Variants in WDR26 observed in about 807,000 individuals in gnomAD.
The protein encoded by WDR26 is WD repeat domain 26.
WDR26 carries 5 observed loss-of-function variants against 84.1 expected under a neutral mutation model. The ratio of observed to expected loss-of-function variants is 0.06; its 90% CI spans 0.03 to 0.13. The LOEUF is 0.13. Among genes scored for constraint, WDR26 ranks in the 10% least tolerant of loss-of-function variants. The pLI, the probability that WDR26 is intolerant of heterozygous loss-of-function variation, is 1.00. For missense variants in WDR26, 642 were observed against 974.9 expected (o/e 0.66, Z 4.55); for synonymous variants, 415 against 389.6 (o/e 1.07, Z -0.77).
intron 9 of WDR26, among the ~76,000 whole-genome samples, chr1:224,399,834 T>C (rs1673361317): frequency 6.6e-6 from 1 of 152,206 alleles, no homozygotes; most frequent in African/African-American, 2.4e-5. Context: ...GGGTCGGGTG[T>C]GGTAGCTCAT....
chr1:224,422,773 T>A (rs1674101824), intron 4 of WDR26, among the ~76,000 whole-genome samples: 1 of 151,872 alleles, frequency 6.6e-6, no homozygotes, highest in African/African-American at 2.4e-5. Context: ...GGGAAGCTAC[T>A]ATAATATTCT....
chr1:224,434,255 G>A lies in WDR26; in HGVS notation c.151C>T (p.Leu51Phe). 7.6e-7 allele frequency: 1 copy of A among 1,316,308 alleles called. No homozygotes were observed. The highest frequency in any genetic ancestry group is 2.9e-5 in the East Asian group (1 of 34,974). 81.5% of individuals were successfully genotyped at this position (1,316,308 alleles called of 1,614,324 possible). Residue 51 changes from leucine (L) to phenylalanine (F), a missense_variant, in exon 1 of 14, where the codon CTC becomes TTC. Transcript: ENST00000414423. ...GAGGACGACGAGGACGGAGGGGAGA[G>A]GCCTGCTCTGCCTGCCGAAGCCCCG...
chr1:224,425,590 G>A (rs527614171), intron 3 of WDR26, among the ~76,000 whole-genome samples: 3 of 152,222 alleles, frequency 2.0e-5, no homozygotes, highest in Admixed American at 1.3e-4. Context: ...CACAATCTTA[G>A]CAGTTTTTTA....
Position 224,434,744 on chromosome 1 carries a change from T to A in WDR26, c.-339A>T. 2.0e-6 allele frequency: 2 copies of A among 986,890 alleles called. No individual in the cohort carries two copies. The highest frequency in any genetic ancestry group is 4.5e-5 in the South Asian group (1 of 22,132). The allele number at this position is 986,890 out of a possible 1,614,324, so 61.1% of individuals were successfully genotyped here. ...GGCAGCTGCCGCCTCTGTCCTCGGATCCGCTCCGCTCTGCTCCCTGGTGTG... is the reference window on the plus strand; with the variant it reads ...GGCAGCTGCCGCCTCTGTCCTCGGAACCGCTCCGCTCTGCTCCCTGGTGTG... On this transcript the variant is annotated 5_prime_UTR_variant, in exon 1 of 14. Coordinates refer to ENST00000414423, the MANE Select transcript of WDR26 (RefSeq NM_001379403.1).
intron 9 of WDR26, among the ~76,000 whole-genome samples, chr1:224,399,896 C>G (rs1464043445): frequency 6.6e-6 from 1 of 152,048 alleles, no homozygotes; most frequent in Non-Finnish European, 1.5e-5. Flanking sequence ...CATTTGAGCC[C>G]AGAAGTTTGA....
chr1:224,394,301 A>G (rs1673200577), intron 12 of WDR26, among the ~76,000 whole-genome samples: 1 of 152,220 alleles, frequency 6.6e-6, no homozygotes, highest in African/African-American at 2.4e-5. Context: ...CTTTGAACAT[A>G]AACAAATCCA....
At chr1:224,401,109 C>G (rs191509040) in intron 8 of WDR26, 40 bp from the exon 9 acceptor site, 2 of 1,587,494 alleles carry the variant, frequency 1.3e-6, no homozygotes, top group Non-Finnish European at 1.7e-6. Context: ...CTTCAAGATA[C>G]CCCTCTAAAG....
chr1:224,414,600 T>C (rs1673840373), intron 6 of WDR26, among the ~76,000 whole-genome samples: 1 of 152,216 alleles, frequency 6.6e-6, no homozygotes, highest in African/African-American at 2.4e-5. Flanking sequence ...GTTCCAATGC[T>C]AAAATCTAGT....
At chr1:224,432,274 C>T (rs1024264117) in intron 1 of WDR26, among the ~76,000 whole-genome samples, 2 of 152,192 alleles carry the variant, frequency 1.3e-5, no homozygotes, top group Admixed American at 6.5e-5. Context: ...AAAAATCATT[C>T]CCTTTCTCTC....
chr1:224,434,049 T>G lies in WDR26; in HGVS notation c.357A>C (p.Gly119=). ...GTCCCTGGCCCCCGCCGCCCCCTCC[T>G]CCTCCACCGCCGCCGCCGCCACCTC... Residue 119 remains glycine, a synonymous_variant, in exon 1 of 14, where the codon GGA becomes GGC. Coordinates refer to ENST00000414423, the MANE Select transcript of WDR26 (RefSeq NM_001379403.1). The G allele has an allele frequency of 6.9e-7, 1 of 1,450,760 alleles. No individual in the cohort carries two copies. Among genetic ancestry groups the G allele is most frequent in the South Asian group, 1.4e-5 (1 of 71,586 alleles). The allele number at this position is 1,450,760 out of a possible 1,614,324, so 89.9% of individuals were successfully genotyped here. A position where few individuals can be genotyped will look rare whatever the true frequency, so the allele number is the denominator to read the frequency against.
At position 224,404,485 on chromosome 1, in the gene WDR26, T is replaced by C. The variant is rs767723808; in HGVS notation, c.1544A>G (p.Tyr515Cys). The change falls in exon 8 of 14, where the codon TAT (tyrosine) becomes TGT (cysteine). Residue 515 changes from tyrosine (Y) to cysteine (C), a missense_variant. Physicochemically the swap from Tyr to Cys is radical, Grantham distance 194 (BLOSUM62 -2). This residue lies in a region of WDR26 where 351 missense variants were observed against 672.8 expected (regional missense o/e 0.52). Transcript: ENST00000414423. ...GTCATCTGGGCCACAAGCAACAAGA[T>C]AGTTGTCATCTGGACTCCATGCAAT... 69 of 1,614,014 alleles carry C rather than the reference T, an allele frequency of 4.3e-5. No homozygotes were observed. In the South Asian group the frequency reaches 4.4e-4, roughly 10 times the overall value.
chr1:224,419,475 A>C, intron 5 of WDR26, 43 bp downstream of exon 5: 5 of 1,417,272 alleles, frequency 3.5e-6, no homozygotes, highest in Non-Finnish European at 5.0e-6. Flanking sequence ...TCCATTTGTA[A>C]TCTAAGAGAA....
At chr1:224,420,841 G>A (rs187026726) in intron 4 of WDR26, among the ~76,000 whole-genome samples, 3 of 151,982 alleles carry the variant, frequency 2.0e-5, no homozygotes, top group South Asian at 2.1e-4. Context: ...CTCGTGATCC[G>A]CCCGCCTCGG....
At chr1:224,406,462 A>G (rs73125540) in intron 7 of WDR26, among the ~76,000 whole-genome samples, 13,549 of 152,244 alleles carry the variant, frequency 0.089, 1,915 homozygotes, top group African/African-American at 0.3. Context: ...CTAGTCTGAT[A>G]AAATTAGGTT....
intron 8 of WDR26, among the ~76,000 whole-genome samples, chr1:224,402,849 G>A (rs1218825024): frequency 6.6e-6 from 1 of 151,920 alleles, no homozygotes; most frequent in Non-Finnish European, 1.5e-5. Context: ...GACAAAAATG[G>A]CATAAAACAC....
intron 4 of WDR26, among the ~76,000 whole-genome samples, chr1:224,422,473 T>G (rs1456915375): frequency 6.6e-6 from 1 of 152,198 alleles, no homozygotes; most frequent in South Asian, 2.1e-4. Context: ...CCCAGCACTT[T>G]GGAAGGCTGA....
rs140548277 is a variant in WDR26 at position 224,431,859 on chromosome 1, A to G, written c.723-78T>C. ...CCTTCAAATAAACTAATGTCCATGA[A>G]AACAGATGCAAAGTTTTTAAGCTAG... is the stretch of plus-strand genomic sequence containing the variant. On this transcript the variant is annotated intron_variant, in intron 1 of 13. Coordinates refer to ENST00000414423, the MANE Select transcript of WDR26 (RefSeq NM_001379403.1). The G allele has an allele frequency of 3.2e-5, 37 of 1,161,482 alleles. No individual in the cohort carries two copies. In the Admixed American group the frequency reaches 1.1e-3, roughly 34 times the overall value. 71.9% of individuals were successfully genotyped at this position (1,161,482 alleles called of 1,614,324 possible). A position where few individuals can be genotyped will look rare whatever the true frequency, so the allele number is the denominator to read the frequency against.
intron 7 of WDR26, among the ~76,000 whole-genome samples, chr1:224,405,722 A>G (rs1572175918): frequency 6.6e-6 from 1 of 152,240 alleles, no homozygotes; most frequent in Non-Finnish European, 1.5e-5. Flanking sequence ...GCCTCACTTA[A>G]AAGCCCATAT....
intron 6 of WDR26, among the ~76,000 whole-genome samples, chr1:224,415,970 T>A (rs1424273621): frequency 6.6e-6 from 1 of 152,196 alleles, no homozygotes; most frequent in Non-Finnish European, 1.5e-5. Flanking sequence ...TCTGGTATTA[T>A]GTTAGCTACA....
Sources: allele counts gnomAD v4.1 joint callset (sites outside exome capture counted in the v4.1 genomes callset), GRCh38; gene constraint gnomAD v4.1.1; regional missense constraint gnomAD v4.1.1; transcripts MANE v1.5; gene names NCBI Gene and HGNC (gene_info 2026-07-23, HGNC 2026-07-21).